The following ZNF112 variants were observed in gnomAD, a reference collection of about 807,000 sequenced individuals.
ZNF112 encodes the protein zinc finger protein 112 (Y14).
ZNF112 carries 37 observed loss-of-function variants against 77.7 expected under a neutral mutation model. The observed-to-expected ratio is 0.48, with a 90% CI of 0.37 to 0.63. The LOEUF (loss-of-function observed/expected upper bound fraction) is 0.63. ZNF112 is among the 20% of genes least tolerant of loss of function. The pLI, the probability that ZNF112 is intolerant of heterozygous loss-of-function variation, is 0.00. For missense variants in ZNF112, 950 were observed against 1,077.4 expected (o/e 0.88, Z 1.66); for synonymous variants, 333 against 363.6 (o/e 0.92, Z 0.96).
Position 44,327,907 on chromosome 19 carries a change from C to A in ZNF112, c.2250G>T (p.Lys750Asn). 1 of 1,614,002 alleles carries A rather than the reference C, an allele frequency of 6.2e-7. No homozygotes were observed. Among genetic ancestry groups the A allele is most frequent in the Non-Finnish European group, 8.5e-7 (1 of 1,179,996 alleles). The change falls in exon 4 of 4, where the codon AAG becomes AAT. Residue 750 changes from lysine (K) to asparagine (N), a missense_variant. Physicochemically the swap from Lys to Asn is moderately conservative, Grantham distance 94 (BLOSUM62 0). Coordinates refer to ENST00000354340, the MANE Select transcript of ZNF112 (RefSeq NM_013380.4). Reference sequence around the variant, plus strand: ...CAAGGCGCGAACTCTGACTAAAGCCCTTCCCACACATCTCACATTTATACG... The same window carrying A: ...CAAGGCGCGAACTCTGACTAAAGCCATTCCCACACATCTCACATTTATACG... ...VKPYKCEMCG[K>N]GFSQSSRLEA... is the part of the protein sequence containing the mutation.
intron 1 of ZNF112, among the ~76,000 whole-genome samples, chr19:44,364,144 G>T (rs1311068696): frequency 6.6e-6 from 1 of 151,968 alleles, no homozygotes; most frequent in African/African-American, 2.4e-5. Context: ...TTCTGACCTT[G>T]GATGATCTGC....
At chr19:44,337,295 TAAAATA>T in intron 2 of ZNF112, among the ~76,000 whole-genome samples, 2 of 124,394 alleles carry the variant, frequency 1.6e-5, no homozygotes, top group African/African-American at 6.3e-5. Flanking sequence ...CATATATGTA[TAAAATA>T]TATATATATT....
At chr19:44,342,035 C>T (rs1970498906) in intron 1 of ZNF112, among the ~76,000 whole-genome samples, 1 of 152,226 alleles carries the variant, frequency 6.6e-6, no homozygotes, top group African/African-American at 2.4e-5. Context: ...AACGACTCTA[C>T]AGTTCCCCTC....
chr19:44,328,637 T>G lies in ZNF112; in HGVS notation c.1520A>C (p.Lys507Thr). The change falls in exon 4 of 4, where the codon AAA becomes ACA. Residue 507 changes from lysine (K) to threonine (T), a missense_variant. By Grantham distance (78) the Lys-to-Thr change is moderately conservative. Coordinates refer to ENST00000354340, the MANE Select transcript of ZNF112 (RefSeq NM_013380.4). ...TCCAGTGTGGACTCTCTGATGATCT[T>G]TAAGTTTTGAGCTCCAGTTGAAGCC... ...GNGFNWSSKL[K>T]DHQRVHTGQK... 1 of 1,614,122 alleles carries G rather than the reference T, an allele frequency of 6.2e-7. No homozygotes were observed. The highest frequency in any genetic ancestry group is 2.2e-5 in the East Asian group (1 of 44,882).
At chr19:44,350,357 G>A (rs1259475454) in intron 1 of ZNF112, among the ~76,000 whole-genome samples, 1 of 151,976 alleles carries the variant, frequency 6.6e-6, no homozygotes, top group African/African-American at 2.4e-5. Flanking sequence ...CCACATGAGA[G>A]TTCAATGTCT....
rs1299965516 is a variant in ZNF112 at position 44,328,614 on chromosome 19, C to G, written c.1543G>C (p.Gly515Arg). ...KLKDHQRVHTGQKPYKCNICG... is the reference protein window; with the variant it reads ...KLKDHQRVHTRQKPYKCNICG... Reference sequence around the variant, plus strand: ...ATATTGCATTTGTATGGCTTCTGTCCAGTGTGGACTCTCTGATGATCTTTA... The same window carrying G: ...ATATTGCATTTGTATGGCTTCTGTCGAGTGTGGACTCTCTGATGATCTTTA... Residue 515 changes from glycine to arginine, a missense_variant, in exon 4 of 4, where the codon GGA becomes CGA. Transcript: ENST00000354340. The G allele has an allele frequency of 6.8e-6, 11 of 1,613,982 alleles. No individual in the cohort carries two copies. Among genetic ancestry groups the G allele is most frequent in the Non-Finnish European group, 8.5e-6 (10 of 1,179,974 alleles).
intron 1 of ZNF112, among the ~76,000 whole-genome samples, chr19:44,350,600 G>A (rs2262860): frequency 0.32 from 48,473 of 151,924 alleles, 10,748 homozygotes; most frequent in African/African-American, 0.63. Context: ...TTCAAAGACA[G>A]TTAATGTCTG....
At position 44,327,421 on chromosome 19, in the gene ZNF112, C is replaced by T. The variant is rs777468266; in HGVS notation, c.*12G>A. ...CTAGTGACTGGAAAATTTCAGCTCC[C>T]ATTTGAGGACTTCAAAACAAAACAG... On this transcript the variant is annotated 3_prime_UTR_variant, in exon 4 of 4. Coordinates refer to ENST00000354340, the MANE Select transcript of ZNF112 (RefSeq NM_013380.4). 1 of 1,563,710 alleles carries T rather than the reference C, an allele frequency of 6.4e-7. No individual in the cohort carries two copies. The highest frequency in any genetic ancestry group is 8.7e-7 in the Non-Finnish European group (1 of 1,155,990).
intron 1 of ZNF112, among the ~76,000 whole-genome samples, chr19:44,365,113 T>A (rs1406654372): frequency 1.3e-5 from 2 of 152,110 alleles, no homozygotes; most frequent in African/African-American, 4.8e-5. Context: ...TATTGGTTTT[T>A]TTATTGTTGT....
intron 1 of ZNF112, among the ~76,000 whole-genome samples, chr19:44,363,523 T>C (rs1430892192): frequency 6.6e-6 from 1 of 152,226 alleles, no homozygotes; most frequent in Non-Finnish European, 1.5e-5. Context: ...TTTTAGAATA[T>C]GAAATATATG....
intron 1 of ZNF112, among the ~76,000 whole-genome samples, chr19:44,347,458 C>T (rs1385482322): frequency 1.4e-5 from 2 of 138,732 alleles, no homozygotes; most frequent in Non-Finnish European, 3.2e-5. Context: ...CCCTCTATTA[C>T]CCCTTTTTCT....
chr19:44,360,372 C>T (rs1262319110), upstream of ZNF112, among the ~76,000 whole-genome samples: 1 of 132,384 alleles, frequency 7.6e-6, no homozygotes, highest in African/African-American at 2.8e-5. Flanking sequence ...AAAAGGGCAA[C>T]CTAGGTATCA....
At position 44,327,874 on chromosome 19, in the gene ZNF112, A is replaced by G; in HGVS notation, c.2283T>C (p.His761=). ...GTTTCCCTCCTGTGTGAACCCTCCGATGTGCTTCAAGGCGCGAACTCTGAC... is the reference window on the plus strand; with the variant it reads ...GTTTCCCTCCTGTGTGAACCCTCCGGTGTGCTTCAAGGCGCGAACTCTGAC... ...GFSQSSRLEA[H]RRVHTGGKPY... Residue 761 remains histidine (H), a synonymous_variant, in exon 4 of 4, where the codon CAT becomes CAC. Transcript: ENST00000354340. 2 of 1,614,046 alleles carry G rather than the reference A, an allele frequency of 1.2e-6. No individual in the cohort carries two copies. The highest frequency in any genetic ancestry group is 1.7e-6 in the Non-Finnish European group (2 of 1,179,986).
intron 1 of ZNF112, among the ~76,000 whole-genome samples, chr19:44,363,722 T>C (rs1325844056): frequency 6.6e-6 from 1 of 152,236 alleles, no homozygotes; most frequent in Non-Finnish European, 1.5e-5. Flanking sequence ...TCCTGCAGCA[T>C]ACTTATAAAA....
intron 1 of ZNF112, among the ~76,000 whole-genome samples, chr19:44,356,250 A>G (rs1011392894): frequency 7.2e-5 from 11 of 152,200 alleles, no homozygotes; most frequent in African/African-American, 2.7e-4. Flanking sequence ...TTAACTCTCA[A>G]AAGAACTCCA....
upstream of ZNF112, among the ~76,000 whole-genome samples, chr19:44,360,262 A>AAG (rs1220557135): frequency 6.6e-6 from 1 of 151,566 alleles, no homozygotes; most frequent in Non-Finnish European, 1.5e-5. Flanking sequence ...CTCAAGAAAA[A>AAG]AAAAAAGAAA....
chr19:44,354,803 T>G (rs1307174915), intron 1 of ZNF112, among the ~76,000 whole-genome samples: 1 of 152,174 alleles, frequency 6.6e-6, no homozygotes, highest in Non-Finnish European at 1.5e-5. Context: ...GCTATAAGAC[T>G]TAGGCAAGGC....
intron 1 of ZNF112, among the ~76,000 whole-genome samples, chr19:44,341,396 A>G (rs2123177825): frequency 6.6e-6 from 1 of 152,314 alleles, no homozygotes; most frequent in South Asian, 2.1e-4. Flanking sequence ...ATCTCCTCAA[A>G]ATAAATACCA....
At chr19:44,361,910 A>C (rs112398069) in intron 1 of ZNF112, among the ~76,000 whole-genome samples, 31,410 of 152,130 alleles carry the variant, frequency 0.21, 4,769 homozygotes, top group African/African-American at 0.43. Context: ...ATACTTTCTC[A>C]GTTTTTCTGA....
Sources: allele counts gnomAD v4.1 joint callset (sites outside exome capture counted in the v4.1 genomes callset), GRCh38; gene constraint gnomAD v4.1.1; transcripts MANE v1.5; gene names NCBI Gene and HGNC (gene_info 2026-07-23, HGNC 2026-07-21).